NEURL1B: variants seen among roughly 807,000 people sequenced by gnomAD.
The protein encoded by NEURL1B is E3 ubiquitin-protein ligase NEURL1B.
NEURL1B carries 13 observed loss-of-function variants against 37.4 expected under a neutral mutation model. The ratio of observed to expected loss-of-function variants is 0.35; its 90% CI spans 0.23 to 0.55. The LOEUF is 0.55. Ranked by LOEUF, NEURL1B falls within the 20% of genes least tolerant of loss-of-function variation. The pLI is 0.89. For synonymous variants in NEURL1B, 432 were observed against 426.6 expected, an observed-to-expected ratio of 1.01 and a Z score of -0.16; for missense variants, 790 against 879.2, an observed-to-expected ratio of 0.90 and a Z score of 1.28.
Position 172,656,701 on chromosome 5 carries a change from C to T in NEURL1B, c.32-13084C>T, listed in dbSNP as rs112377398. 2,408 of 1,371,568 alleles carry T rather than the reference C, an allele frequency of 1.8e-3. 27 individuals are homozygous for T. In the African/African-American group the frequency reaches 0.025, roughly 14 times the overall value. The allele number at this position is 1,371,568 out of a possible 1,614,324, so 85.0% of individuals were successfully genotyped here. A position where few individuals can be genotyped will look rare whatever the true frequency, so the allele number is the denominator to read the frequency against. On this transcript the variant is annotated intron_variant, in intron 1 of 4. Coordinates refer to ENST00000369800, the MANE Select transcript of NEURL1B (RefSeq NM_001142651.3). ...TTCAGTGGCTTCTTCTTGCCACCTT[C>T]GCGGCCGGACATGGCGCCTGCCGCC...
At position 172,686,790 on chromosome 5, in the gene NEURL1B, G is replaced by A; in HGVS notation, c.1533G>A (p.Val511=). Residue 511 remains valine, a synonymous_variant, in exon 5 of 5, where the codon GTG becomes GTA. Coordinates refer to ENST00000369800, the MANE Select transcript of NEURL1B (RefSeq NM_001142651.3). This position sits in a 1 kb window ranked among gnomAD's most constrained non-coding sequence, Gnocchi z 7.9. ...GECTVCFDGE[V]DTVIYTCGHM... is the part of the protein sequence containing the mutation. Reference sequence around the variant, plus strand: ...GCACGGTGTGCTTCGATGGCGAGGTGGACACGGTCATCTACACGTGTGGAC... The same window carrying A: ...GCACGGTGTGCTTCGATGGCGAGGTAGACACGGTCATCTACACGTGTGGAC... The A allele has an allele frequency of 1.9e-6, 3 of 1,552,020 alleles. No homozygotes were observed. Among genetic ancestry groups the A allele is most frequent in the Non-Finnish European group, 2.6e-6 (3 of 1,147,368 alleles).
rs11739396 is a variant in NEURL1B at position 172,657,252 on chromosome 5, C to T, written c.32-12533C>T. 0.035 allele frequency among the ~76,000 whole-genome samples: 5,388 copies of T among 152,194 alleles called. 160 individuals are homozygous for T. The highest frequency in any genetic ancestry group is 0.078 in the African/African-American group (3,222 of 41,486). Reference sequence around the variant, plus strand: ...TGGGCTCACAGGGCTATAGAGAGGACCAGTGAACCAAGGACTGTCAGATCG... The same window carrying T: ...TGGGCTCACAGGGCTATAGAGAGGATCAGTGAACCAAGGACTGTCAGATCG... On this transcript the variant is annotated intron_variant, in intron 1 of 4. Transcript: ENST00000369800. The surrounding 1 kb of genome is among the most constrained non-coding windows in gnomAD (Gnocchi z 4.0).
At chr5:172,663,024 C>T (rs549194084) in intron 1 of NEURL1B, among the ~76,000 whole-genome samples, 25 of 117,326 alleles carry the variant, frequency 2.1e-4, no homozygotes, top group African/African-American at 8.1e-4. Context: ...CCCAGGAGTT[C>T]GAGACCAGCC....
intron 2 of NEURL1B, among the ~76,000 whole-genome samples, chr5:172,680,897 G>A (rs756798542): frequency 6.6e-6 from 1 of 152,120 alleles, no homozygotes; most frequent in Non-Finnish European, 1.5e-5. Flanking sequence ...GTCTGTTCTT[G>A]AACTGCTATA....
At chr5:172,646,036 G>A (rs1157159819) in intron 1 of NEURL1B, among the ~76,000 whole-genome samples, 14 of 152,322 alleles carry the variant, frequency 9.2e-5, no homozygotes, top group Admixed American at 2.0e-4. Flanking sequence ...TTGCGCATGC[G>A]GGTGTGTGTG....
At chr5:172,648,744 C>T (rs1757605178) in intron 1 of NEURL1B, among the ~76,000 whole-genome samples, 1 of 152,256 alleles carries the variant, frequency 6.6e-6, no homozygotes, top group Admixed American at 6.5e-5. Flanking sequence ...TTTAATTGCT[C>T]ACCTAGTTCT....
chr5:172,662,382 C>A (rs1198142006), intron 1 of NEURL1B: 1 of 153,280 alleles, frequency 6.5e-6, no homozygotes, highest in Non-Finnish European at 1.5e-5. Context: ...AACCACCTCT[C>A]AAACTGTGAT....
chr5:172,690,862 T>C lies in NEURL1B; in HGVS notation c.*3937T>C, dbSNP rs1186958822. 6 of 151,706 alleles carry C rather than the reference T, an allele frequency of 4.0e-5. No individual in the cohort carries two copies. The highest frequency in any genetic ancestry group is 5.9e-5 in the Non-Finnish European group (4 of 67,958). The allele number at this position is 151,706 out of a possible 1,614,324, so 9.4% of individuals were successfully genotyped here. On this transcript the variant is annotated 3_prime_UTR_variant, in exon 5 of 5. Transcript: ENST00000369800. ...CTGCCAGGGAGACACAGTGAGGAGG[T>C]TGGCTAATTGCTGCTTTCAGGCCCT...
Position 172,689,863 on chromosome 5 carries a change from C to G in NEURL1B, c.*2938C>G, listed in dbSNP as rs1026195329. 6.6e-6 allele frequency: 1 copy of G among 152,420 alleles called. No homozygotes were observed. The highest frequency in any genetic ancestry group is 6.5e-5 in the Admixed American group (1 of 15,286). The allele number at this position is 152,420 out of a possible 1,614,324, so 9.4% of individuals were successfully genotyped here. ...GGAGAAGCGGCCTCCCTTCCAGGCT[C>G]ATCTGCTCACTGCCCGCATTCTCCT... On this transcript the variant is annotated 3_prime_UTR_variant, in exon 5 of 5. Transcript: ENST00000369800.
chr5:172,659,287 C>T (rs1489075051), intron 1 of NEURL1B, among the ~76,000 whole-genome samples: 1 of 152,188 alleles, frequency 6.6e-6, no homozygotes, highest in Non-Finnish European at 1.5e-5. Flanking sequence ...GCCAAAAATG[C>T]TGACCTTCAG....
chr5:172,642,600 G>T (rs974809585), intron 1 of NEURL1B, among the ~76,000 whole-genome samples: 2 of 152,330 alleles, frequency 1.3e-5, no homozygotes, highest in Admixed American at 1.3e-4. Flanking sequence ...TGCTCTTAAA[G>T]AATAATTTCC....
chr5:172,667,429 G>A lies in NEURL1B; in HGVS notation c.32-2356G>A, dbSNP rs1356723239. ...CCATTGCACTCCAGCCTGGGCAACA[G>A]AGAAAGACTCCATTTCAAAAAAAAA... On this transcript the variant is annotated intron_variant, in intron 1 of 4. Coordinates refer to ENST00000369800, the MANE Select transcript of NEURL1B (RefSeq NM_001142651.3). Among the ~76,000 whole-genome samples the A allele has an allele frequency of 3.4e-5, 5 of 147,778 alleles. No homozygotes were observed. In the East Asian group the frequency reaches 9.7e-4, roughly 29 times the overall value.
intron 1 of NEURL1B, among the ~76,000 whole-genome samples, chr5:172,652,385 G>T (rs183427963): frequency 2.0e-5 from 3 of 152,366 alleles, no homozygotes; most frequent in East Asian, 3.9e-4. Flanking sequence ...TTTGTTTAAC[G>T]TGCAGACGGA....
chr5:172,641,518 A>G lies in NEURL1B; in HGVS notation c.31+81A>G. 8.6e-7 allele frequency: 1 copy of G among 1,158,586 alleles called. No homozygotes were observed. The highest frequency in any genetic ancestry group is 1.1e-6 in the Non-Finnish European group (1 of 916,496). 71.8% of individuals were successfully genotyped at this position (1,158,586 alleles called of 1,614,324 possible). On this transcript the variant is annotated intron_variant, in intron 1 of 4. Coordinates refer to ENST00000369800, the MANE Select transcript of NEURL1B (RefSeq NM_001142651.3). The surrounding 1 kb of genome is among the most constrained non-coding windows in gnomAD (Gnocchi z 6.4). ...ACCCGCTGGGTGACTCTGGAGAGCTACCCCACGGCCCTTGGAGCCCTCGGC... is the reference window on the plus strand; with the variant it reads ...ACCCGCTGGGTGACTCTGGAGAGCTGCCCCACGGCCCTTGGAGCCCTCGGC...
At chr5:172,682,766 T>G (rs1199050060) in intron 2 of NEURL1B, among the ~76,000 whole-genome samples, 3 of 152,122 alleles carry the variant, frequency 2.0e-5, no homozygotes, top group Non-Finnish European at 4.4e-5. Context: ...GAGCCCAGAC[T>G]CTAGAGCCAG....
rs1012499155 is a variant in NEURL1B, at chr5:172,686,787, G to A, written c.1530G>A (p.Glu510=). 7.7e-6 allele frequency: 12 copies of A among 1,551,956 alleles called. No homozygotes were observed. Among genetic ancestry groups the A allele is most frequent in the African/African-American group, 5.5e-5 (4 of 73,174 alleles). ...NGECTVCFDG[E]VDTVIYTCGH... Reference sequence around the variant, plus strand: ...AGTGCACGGTGTGCTTCGATGGCGAGGTGGACACGGTCATCTACACGTGTG... The same window carrying A: ...AGTGCACGGTGTGCTTCGATGGCGAAGTGGACACGGTCATCTACACGTGTG... Residue 510 remains glutamate, a synonymous_variant, in exon 5 of 5, where the codon GAG becomes GAA. Coordinates refer to ENST00000369800, the MANE Select transcript of NEURL1B (RefSeq NM_001142651.3). This position sits in a 1 kb window ranked among gnomAD's most constrained non-coding sequence, Gnocchi z 7.9.
At chr5:172,680,186 A>G (rs1359352591) in intron 2 of NEURL1B, among the ~76,000 whole-genome samples, 2 of 152,156 alleles carry the variant, frequency 1.3e-5, no homozygotes, top group African/African-American at 2.4e-5. Flanking sequence ...TCATGACAGT[A>G]ATTTCCATAA....
chr5:172,655,806 G>C (rs974690857), intron 1 of NEURL1B, among the ~76,000 whole-genome samples: 2 of 149,686 alleles, frequency 1.3e-5, no homozygotes, highest in African/African-American at 2.5e-5. Flanking sequence ...TCTAACCCTT[G>C]AGGCTGCCAC....
chr5:172,641,405 C>T lies in NEURL1B; in HGVS notation c.-2C>T. 1 of 1,371,600 alleles carries T rather than the reference C, an allele frequency of 7.3e-7. No individual in the cohort carries two copies. Among genetic ancestry groups the T allele is most frequent in the Non-Finnish European group, 9.4e-7 (1 of 1,065,666 alleles). The allele number at this position is 1,371,600 out of a possible 1,614,324, so 85.0% of individuals were successfully genotyped here. ...GCCGCCAACGCCGCGCCCGACGCAG[C>T]GATGGGCAACACGGTGCACCGGACC... On this transcript the variant is annotated 5_prime_UTR_variant, in exon 1 of 5. Coordinates refer to ENST00000369800, the MANE Select transcript of NEURL1B (RefSeq NM_001142651.3). This position sits in a 1 kb window ranked among gnomAD's most constrained non-coding sequence, Gnocchi z 6.4.
Sources: allele counts gnomAD v4.1 joint callset (sites outside exome capture counted in the v4.1 genomes callset), GRCh38; gene constraint gnomAD v4.1.1; non-coding constraint Gnocchi (gnomAD v3.1); transcripts MANE v1.5; gene names NCBI Gene and HGNC (gene_info 2026-07-23, HGNC 2026-07-21).